Variants in ARSJ observed in about 807,000 individuals in gnomAD.
ARSJ encodes the protein arylsulfatase family member J, also known as arylsulfatase J.
A neutral mutation model predicts 35.9 loss-of-function variants in ARSJ; 26 were observed. That is an observed-to-expected ratio of 0.72 (90% CI 0.53 to 1.00). ARSJ has a LOEUF of 1.00. ARSJ is among the 50% of genes least tolerant of loss of function. The pLI, the probability that ARSJ is intolerant of heterozygous loss-of-function variation, is 0.00. For missense variants in ARSJ, 667 were observed against 723.6 expected, an observed-to-expected ratio of 0.92 and a Z score of 0.90; for synonymous variants, 294 against 267.6, an observed-to-expected ratio of 1.10 and a Z score of -0.96.
intron 1 of ARSJ, among the ~76,000 whole-genome samples, chr4:113,932,474 A>G (rs986885162): frequency 2.0e-5 from 3 of 152,080 alleles, no homozygotes; most frequent in African/African-American, 7.2e-5. Context: ...ACAAGTCTCA[A>G]CAAATCCAAT....
At chr4:113,913,201 A>G (rs929387173) in intron 1 of ARSJ, among the ~76,000 whole-genome samples, 2 of 152,180 alleles carry the variant, frequency 1.3e-5, no homozygotes, top group African/African-American at 4.8e-5. Context: ...CTGCCTTTGG[A>G]TAATCTTTCC....
rs1298464020 is a variant in ARSJ, at chr4:113,902,230, G to T, written c.*44C>A. 3 of 1,601,430 alleles carry T rather than the reference G, an allele frequency of 1.9e-6. No individual in the cohort carries two copies. The highest frequency in any genetic ancestry group is 2.5e-6 in the Non-Finnish European group (3 of 1,179,962). Reference sequence around the variant, plus strand: ...TGGTTTACCTAGGAAACAGATGAAAGATAAGAACTGATTAAAGTTTAACCA... The same window carrying T: ...TGGTTTACCTAGGAAACAGATGAAATATAAGAACTGATTAAAGTTTAACCA... On this transcript the variant is annotated 3_prime_UTR_variant, in exon 2 of 2. Coordinates refer to ENST00000315366, the MANE Select transcript of ARSJ (RefSeq NM_024590.4).
intron 1 of ARSJ, among the ~76,000 whole-genome samples, chr4:113,972,339 CTATT>C (rs1370037222): frequency 4.0e-5 from 6 of 149,184 alleles, no homozygotes; most frequent in Admixed American, 3.3e-4. Flanking sequence ...ATTTTCATCC[CTATT>C]TATTTAAGTC....
chr4:113,900,596 GT>G lies in ARSJ; in HGVS notation c.*1677del, dbSNP rs575425274. The G allele has an allele frequency of 5.3e-5, 8 of 152,124 alleles. No homozygotes were observed. In the East Asian group the frequency reaches 1.5e-3, roughly 29 times the overall value. 9.4% of individuals were successfully genotyped at this position (152,124 alleles called of 1,614,324 possible). On this transcript the variant is annotated 3_prime_UTR_variant, in exon 2 of 2. Transcript: ENST00000315366. Reference sequence around the variant, plus strand: ...AGCTGTGATGTAAATGTATTTAATGGTATGCTGTCATACCACCACACACATT... The same window carrying G: ...AGCTGTGATGTAAATGTATTTAATGGATGCTGTCATACCACCACACACATT...
At chr4:113,975,026 C>T (rs1212511736) in intron 1 of ARSJ, among the ~76,000 whole-genome samples, 1 of 152,054 alleles carries the variant, frequency 6.6e-6, no homozygotes, top group Non-Finnish European at 1.5e-5. Flanking sequence ...AAAAATTTTA[C>T]AAACATAATG....
At chr4:113,962,396 A>G (rs570358944) in intron 1 of ARSJ, among the ~76,000 whole-genome samples, 10 of 152,098 alleles carry the variant, frequency 6.6e-5, no homozygotes, top group Admixed American at 6.6e-4. Context: ...AACAAAGACT[A>G]TTATTTATTG....
At chr4:113,953,541 T>A (rs1215517708) in intron 1 of ARSJ, among the ~76,000 whole-genome samples, 2 of 151,454 alleles carry the variant, frequency 1.3e-5, no homozygotes, top group Non-Finnish European at 2.9e-5. Context: ...CAGTGACAAT[T>A]TGAATTTCCA....
chr4:113,900,719 G>A lies in ARSJ; in HGVS notation c.*1555C>T, dbSNP rs916397274. 3 of 152,066 alleles carry A rather than the reference G, an allele frequency of 2.0e-5. No individual in the cohort carries two copies. The highest frequency in any genetic ancestry group is 6.5e-5 in the Admixed American group (1 of 15,276). The allele number at this position is 152,066 out of a possible 1,614,324, so 9.4% of individuals were successfully genotyped here. ...CTTCAAGGCCTCTGCATTAGGAGAG[G>A]GCACTTCAAAGAAAACACCAGGGTC... On this transcript the variant is annotated 3_prime_UTR_variant, in exon 2 of 2. Transcript: ENST00000315366.
At chr4:113,925,521 T>C (rs954549399) in intron 1 of ARSJ, among the ~76,000 whole-genome samples, 3 of 152,110 alleles carry the variant, frequency 2.0e-5, no homozygotes, top group African/African-American at 7.2e-5. Flanking sequence ...AGCGTTGTAA[T>C]TGTGATTTCA....
chr4:113,924,161 G>A (rs1221365267), intron 1 of ARSJ, among the ~76,000 whole-genome samples: 1 of 146,290 alleles, frequency 6.8e-6, no homozygotes, highest in African/African-American at 2.6e-5. Context: ...CAATCACAAG[G>A]TCCCACAATA....
At chr4:113,957,253 T>C (rs1364505140) in intron 1 of ARSJ, among the ~76,000 whole-genome samples, 1 of 152,072 alleles carries the variant, frequency 6.6e-6, no homozygotes, top group Non-Finnish European at 1.5e-5. Flanking sequence ...TCTTTTAGTT[T>C]TAGCTCTCCA....
At chr4:113,931,937 C>T (rs991639872) in intron 1 of ARSJ, among the ~76,000 whole-genome samples, 3 of 151,988 alleles carry the variant, frequency 2.0e-5, no homozygotes, top group African/African-American at 7.2e-5. Flanking sequence ...GAACTGTATA[C>T]TTCCATGCTG....
intron 1 of ARSJ, among the ~76,000 whole-genome samples, chr4:113,914,456 G>A (rs929696531): frequency 3.0e-5 from 4 of 131,454 alleles, no homozygotes; most frequent in African/African-American, 1.1e-4. Context: ...TTCACCAAGT[G>A]GTTTTTCCAG....
chr4:113,937,991 C>T (rs1724877934), intron 1 of ARSJ, among the ~76,000 whole-genome samples: 1 of 151,830 alleles, frequency 6.6e-6, no homozygotes, highest in Non-Finnish European at 1.5e-5. Flanking sequence ...AATGCTATTC[C>T]CATTAAATTA....
At chr4:113,955,437 G>GAAA (rs74268394) in intron 1 of ARSJ, among the ~76,000 whole-genome samples, 1 of 139,754 alleles carries the variant, frequency 7.2e-6, no homozygotes, top group Non-Finnish European at 1.6e-5. Context: ...GGATATTTAG[G>GAAA]AAAAAAAAAA....
chr4:113,921,082 TACACACAC>T (rs746326993), intron 1 of ARSJ, among the ~76,000 whole-genome samples: 30 of 129,666 alleles, frequency 2.3e-4, no homozygotes, highest in African/African-American at 7.0e-4. Context: ...TTCCCTGAAA[TACACACAC>T]ACACACACAC....
At chr4:113,975,241 A>C (rs1727520060) in intron 1 of ARSJ, among the ~76,000 whole-genome samples, 1 of 152,166 alleles carries the variant, frequency 6.6e-6, no homozygotes, top group Admixed American at 6.5e-5. Flanking sequence ...AGTTTCCTTC[A>C]CATTTGTTAA....
intron 1 of ARSJ, among the ~76,000 whole-genome samples, chr4:113,938,681 C>T (rs1724923891): frequency 1.3e-5 from 2 of 151,550 alleles, no homozygotes; most frequent in African/African-American, 4.8e-5. Flanking sequence ...AGGTAGATTA[C>T]AGACCTATCC....
At position 113,908,069 on chromosome 4, in the gene ARSJ, G is replaced by A. The variant is rs62314596; in HGVS notation, c.399-4394C>T. 5.6e-3 allele frequency among the ~76,000 whole-genome samples: 846 copies of A among 152,122 alleles called. 3 individuals carry two copies. Among genetic ancestry groups the A allele is most frequent in the Non-Finnish European group, 8.8e-3 (600 of 67,992 alleles). On this transcript the variant is annotated intron_variant, in intron 1 of 1. Coordinates refer to ENST00000315366, the MANE Select transcript of ARSJ (RefSeq NM_024590.4). ...ATTTATCCATGTAACAAAACTGCACGTAAACCCCTAGATCCTAAAATAAAA... is the reference window on the plus strand; with the variant it reads ...ATTTATCCATGTAACAAAACTGCACATAAACCCCTAGATCCTAAAATAAAA...
Sources: allele counts gnomAD v4.1 joint callset (sites outside exome capture counted in the v4.1 genomes callset), GRCh38; gene constraint gnomAD v4.1.1; transcripts MANE v1.5; gene names NCBI Gene and HGNC (gene_info 2026-07-23, HGNC 2026-07-21).